ATP13A2: variants seen among roughly 807,000 people sequenced by gnomAD.
ATP13A2 encodes the protein polyamine-transporting ATPase 13A2.
A neutral mutation model predicts 138.3 loss-of-function variants in ATP13A2; 83 were observed. The observed-to-expected ratio is 0.60, with a 90% CI of 0.50 to 0.72. ATP13A2 has a LOEUF of 0.72. ATP13A2 is among the 30% of genes least tolerant of loss of function. The probability of loss-of-function intolerance (pLI) is 0.00; values close to 1 mark genes in which losing one functional copy is unlikely to be tolerated. For synonymous variants in ATP13A2, 663 were observed against 699.0 expected (o/e 0.95, Z 0.81); for missense variants, 1,402 against 1,606.4 (o/e 0.87, Z 2.17).
In ATP13A2 at chr1:16,990,219, T is replaced by C. The variant is rs760861030; in HGVS notation, c.2320A>G (p.Ile774Val). The C allele has an allele frequency of 1.2e-6, 2 of 1,613,866 alleles. No individual in the cohort carries two copies. The highest frequency in any genetic ancestry group is 2.2e-5 in the South Asian group (2 of 91,080). ...CGMVAPQEHL[I>V]IVHATHPERG... ...TCAGGGTGGGTGGCGTGGACGATGA[T>C]CAGATGCTCCTGGGGGGCCACCATG... Residue 774 changes from isoleucine to valine, a missense_variant, in exon 21 of 29, where the codon ATC becomes GTC. Ile to Val is a conservative substitution (Grantham distance 29). Coordinates refer to ENST00000326735, the MANE Select transcript of ATP13A2 (RefSeq NM_022089.4).
At position 16,986,477 on chromosome 1, in the gene ATP13A2, C is replaced by T. The variant is rs755468538; in HGVS notation, c.3391G>A (p.Ala1131Thr). The T allele has an allele frequency of 6.2e-7, 1 of 1,612,242 alleles. No homozygotes were observed. Among genetic ancestry groups the T allele is most frequent in the African/African-American group, 1.3e-5 (1 of 75,014 alleles). Residue 1131 changes from alanine (A) to threonine (T), a missense_variant, in exon 28 of 29, where the codon GCC (alanine) becomes ACC (threonine). By Grantham distance (58) the Ala-to-Thr change is moderately conservative. Transcript: ENST00000326735. The surrounding 1 kb of genome is among the most constrained non-coding windows in gnomAD (Gnocchi z 6.9). ...GCGGGCCCCACCTCCAGCATGAAGG[C>T]CCCCACGAAGTTGAGGGTGACCAGA... is the stretch of plus-strand genomic sequence containing the variant. The part of the protein sequence containing the change: ...LGLVTLNFVG[A>T]FMLESVLDQC...
rs1305686148 is a variant in ATP13A2 at position 16,992,601 on chromosome 1, G to C, written c.1750-20C>G. On this transcript the variant is annotated intron_variant, in intron 16 of 28. Coordinates refer to ENST00000326735, the MANE Select transcript of ATP13A2 (RefSeq NM_022089.4). Reference sequence around the variant, plus strand: ...CAGGACCTGGCAGGCAGGCAGGGAAGTTTGGTGTCTGGGGGCTTTGGCTCA... The same window carrying C: ...CAGGACCTGGCAGGCAGGCAGGGAACTTTGGTGTCTGGGGGCTTTGGCTCA... 1.9e-6 allele frequency: 3 copies of C among 1,613,810 alleles called. No homozygotes were observed. Among genetic ancestry groups the C allele is most frequent in the Non-Finnish European group, 1.7e-6 (2 of 1,179,636 alleles).
In ATP13A2 at chr1:16,996,703, A is replaced by T. The variant is rs2076602; in HGVS notation, c.1196-207T>A. ...AACAAGGAACTAGTGGATAGCATCTAAACACTGGGTGGTTCCACTGAAAAT... is the reference window on the plus strand; with the variant it reads ...AACAAGGAACTAGTGGATAGCATCTTAACACTGGGTGGTTCCACTGAAAAT... On this transcript the variant is annotated intron_variant, in intron 12 of 28. Coordinates refer to ENST00000326735, the MANE Select transcript of ATP13A2 (RefSeq NM_022089.4). The T allele has an allele frequency of 0.22, 139,592 of 621,090 alleles. 18,378 individuals are homozygous for T. Among genetic ancestry groups the T allele is most frequent in the East Asian group, 0.54 (19,650 of 36,544 alleles). 38.5% of individuals were successfully genotyped at this position (621,090 alleles called of 1,614,324 possible).
rs1421968260 is a variant in ATP13A2 at position 16,996,511 on chromosome 1, G to A, written c.1196-15C>T. The A allele has an allele frequency of 6.2e-7, 1 of 1,610,324 alleles. No homozygotes were observed. The highest frequency in any genetic ancestry group is 8.5e-7 in the Non-Finnish European group (1 of 1,177,008). On this transcript the variant is annotated splice_polypyrimidine_tract_variant and intron_variant, in intron 12 of 28. Coordinates refer to ENST00000326735, the MANE Select transcript of ATP13A2 (RefSeq NM_022089.4). ...CGTGCAGAACCCTGGGGAGGAGGCG[G>A]GGACCCCAAGGCAGGGAAGCCAGGG...
chr1:17,009,864 G>A (rs767183767), intron 1 of ATP13A2, among the ~76,000 whole-genome samples: 2 of 152,124 alleles, frequency 1.3e-5, no homozygotes, highest in Admixed American at 6.5e-5. Flanking sequence ...TGGAACTTGA[G>A]GGAGGAAGTC....
chr1:16,990,901 G>A (rs1436258077), intron 20 of ATP13A2, among the ~76,000 whole-genome samples: 2 of 152,036 alleles, frequency 1.3e-5, no homozygotes, highest in African/African-American at 2.4e-5. Context: ...GTGCAGGGGC[G>A]GGGAGGACAA....
Position 16,985,971 on chromosome 1 carries a change from C to A in ATP13A2, c.*250G>T. 6.9e-7 allele frequency: 1 copy of A among 1,442,864 alleles called. No individual in the cohort carries two copies. The highest frequency in any genetic ancestry group is 9.1e-7 in the Non-Finnish European group (1 of 1,096,498). The allele number at this position is 1,442,864 out of a possible 1,614,324, so 89.4% of individuals were successfully genotyped here. ...AGGCACAGCAGAGCCAGGAAAATATCATGACTTTATTTGCTACACTGACAG... is the reference window on the plus strand; with the variant it reads ...AGGCACAGCAGAGCCAGGAAAATATAATGACTTTATTTGCTACACTGACAG... On this transcript the variant is annotated 3_prime_UTR_variant, in exon 29 of 29. Transcript: ENST00000326735.
In ATP13A2 at chr1:16,992,333, C is replaced by A. The variant is rs1039547754; in HGVS notation, c.1915G>T (p.Val639Leu). 1 of 1,612,972 alleles carries A rather than the reference C, an allele frequency of 6.2e-7. No homozygotes were observed. Among genetic ancestry groups the A allele is most frequent in the South Asian group, 1.1e-5 (1 of 91,062 alleles). ...PFSSALQRMSVVVAWPGATQP... is the reference protein window; with the variant it reads ...PFSSALQRMSLVVAWPGATQP... ...GTGGCCCCTGGCCACGCCACCACCA[C>A]ACTCATGCGCTGCAGAGCCGAAGAG... The change falls in exon 18 of 29, where the codon GTG becomes TTG. Residue 639 changes from valine to leucine, a missense_variant. By Grantham distance (32) the Val-to-Leu change is conservative. Coordinates refer to ENST00000326735, the MANE Select transcript of ATP13A2 (RefSeq NM_022089.4).
intron 8 of ATP13A2, chr1:17,000,966 T>C (rs754955847): frequency 1.7e-4 from 33 of 190,020 alleles, no homozygotes; most frequent in Non-Finnish European, 3.2e-4. Flanking sequence ...AATAAATAAA[T>C]AGGATAAGGG....
At position 17,011,821 on chromosome 1, in the gene ATP13A2, C is replaced by CGCGGTCCGG; in HGVS notation, c.-92_-84dup. On this transcript the variant is annotated 5_prime_UTR_variant, in exon 1 of 29. Coordinates refer to ENST00000326735, the MANE Select transcript of ATP13A2 (RefSeq NM_022089.4). This position sits in a 1 kb window ranked among gnomAD's most constrained non-coding sequence, Gnocchi z 7.3. The stretch of plus-strand genomic sequence containing the variant: ...GCGTGCGCAAGGCCCTGGGCGGGGG[C>CGCGGTCCGG]GCGGTCCGGACGGCCCGGGGCGAGG... 8.9e-7 allele frequency: 1 copy of CGCGGTCCGG among 1,129,338 alleles called. No homozygotes were observed. 70.0% of individuals were successfully genotyped at this position (1,129,338 alleles called of 1,614,324 possible). A position where few individuals can be genotyped will look rare whatever the true frequency, so the allele number is the denominator to read the frequency against.
rs1262804804 is a variant in ATP13A2, at chr1:16,992,103, G to A, written c.2032C>T (p.Gln678Ter). 1 of 1,613,524 alleles carries A rather than the reference G, an allele frequency of 6.2e-7. No homozygotes were observed. The highest frequency in any genetic ancestry group is 1.3e-5 in the African/African-American group (1 of 75,074). The change falls in exon 19 of 29, where the codon CAG (glutamine) becomes TAG (stop). Residue 678 changes from glutamine (Q) to a stop codon, truncating the protein, a stop_gained. Coordinates refer to ENST00000326735, the MANE Select transcript of ATP13A2 (RefSeq NM_022089.4). LOFTEE classifies it high-confidence loss of function. Reference sequence around the variant, plus strand: ...CGGTAGCCAGCAGCTGTATAGCTCTGCAGCATCTGGGCGAAGTCGGTGGGC... The same window carrying A: ...CGGTAGCCAGCAGCTGTATAGCTCTACAGCATCTGGGCGAAGTCGGTGGGC... The part of the protein sequence containing the change: ...TVPTDFAQML[Q>*]SYTAAGYRVV...
In ATP13A2 at chr1:17,011,627, C is replaced by T; in HGVS notation, c.10+102G>A. The T allele has an allele frequency of 2.2e-6, 3 of 1,364,830 alleles. No homozygotes were observed. The highest frequency in any genetic ancestry group is 2.9e-6 in the Non-Finnish European group (3 of 1,052,146). The allele number at this position is 1,364,830 out of a possible 1,614,324, so 84.5% of individuals were successfully genotyped here. ...GTCCCGCTTCCTGGGCTCGCGACCC[C>T]GCGGTGGGGGGCGTCGCCTCCCCTC... On this transcript the variant is annotated intron_variant, in intron 1 of 28. Transcript: ENST00000326735. This position sits in a 1 kb window ranked among gnomAD's most constrained non-coding sequence, Gnocchi z 7.3.
Position 17,004,276 on chromosome 1 carries a change from C to T in ATP13A2, c.557+56G>A, listed in dbSNP as rs1394659684. ...AGGCCATGCCATGCCACCGTCTGTG[C>T]CCAAACCAGTGCCACTCTGGGAGGT... On this transcript the variant is annotated intron_variant, in intron 6 of 28. Transcript: ENST00000326735. This position sits in a 1 kb window ranked among gnomAD's most constrained non-coding sequence, Gnocchi z 4.1. The T allele has an allele frequency of 3.2e-6, 5 of 1,570,138 alleles. No homozygotes were observed. The highest frequency in any genetic ancestry group is 4.4e-6 in the Non-Finnish European group (5 of 1,148,532).
At position 16,992,470 on chromosome 1, in the gene ATP13A2, G is replaced by GC. The variant is rs764339719; in HGVS notation, c.1845+15dup. The GC allele has an allele frequency of 1.2e-6, 2 of 1,613,896 alleles. No homozygotes were observed. The highest frequency in any genetic ancestry group is 2.2e-5 in the East Asian group (1 of 44,880). On this transcript the variant is annotated intron_variant, in intron 17 of 28. Transcript: ENST00000326735. ...CACCCCTCTGCCCTGCACCCAACAG[G>GC]CCCCCCTCAGCTCACCATTGCCTGC...
chr1:16,999,237 G>A (rs538707509), intron 11 of ATP13A2, among the ~76,000 whole-genome samples: 1 of 152,014 alleles, frequency 6.6e-6, no homozygotes, highest in East Asian at 1.9e-4. Context: ...AAAATTAGCC[G>A]GGTATGGTGG....
rs543531903 is a variant in ATP13A2, at chr1:16,992,348, G to A, written c.1900C>T (p.Leu634=). 2 of 1,613,222 alleles carry A rather than the reference G, an allele frequency of 1.2e-6. No individual in the cohort carries two copies. The highest frequency in any genetic ancestry group is 2.2e-5 in the South Asian group (2 of 91,072). The change falls in exon 18 of 29, where the codon CTG becomes TTG. Residue 634 remains leucine (L), a synonymous_variant. Coordinates refer to ENST00000326735, the MANE Select transcript of ATP13A2 (RefSeq NM_022089.4). ...VLHRFPFSSA[L]QRMSVVVAWP... is the part of the protein sequence containing the mutation. ...GCCACCACCACACTCATGCGCTGCA[G>A]AGCCGAAGAGAAGGGGAAGCGGTGG... is the stretch of plus-strand genomic sequence containing the variant.
At chr1:16,990,369 G>T in intron 20 of ATP13A2, 82 bp from the exon 21 acceptor site, 2 of 1,563,028 alleles carry the variant, frequency 1.3e-6, no homozygotes, top group South Asian at 2.2e-5. Flanking sequence ...TGGGAAAACA[G>T]GCTGGATGAA....
At chr1:16,989,597 G>T (rs2076851701) in intron 23 of ATP13A2, 94 bp downstream of exon 23, 1 of 1,275,314 alleles carries the variant, frequency 7.8e-7, no homozygotes, top group Non-Finnish European at 1.1e-6. Flanking sequence ...TGCCTGAGGA[G>T]GGAGACAGGG....
rs201661480 is a variant in ATP13A2, at chr1:16,997,045, G to A, written c.1170C>T (p.His390=). 4.8e-5 allele frequency: 77 copies of A among 1,612,860 alleles called. No homozygotes were observed. In the Middle Eastern group the frequency reaches 9.4e-4, roughly 20 times the overall value. ...ILQARAYVGP[H]VLAVVTRTGF... is the part of the protein sequence containing the mutation. ...CTGTGCGGGTCACCACTGCCAGGAC[G>A]TGCGGTCCCACATAGGCCCGGGCCT... is the stretch of plus-strand genomic sequence containing the variant. Residue 390 remains histidine, a synonymous_variant, in exon 12 of 29, where the codon CAC becomes CAT. Transcript: ENST00000326735.
Sources: gnomAD v4.1 joint callset for allele counts (sites outside exome capture counted in the v4.1 genomes callset) on GRCh38, gnomAD v4.1.1 for gene constraint, Gnocchi (gnomAD v3.1) non-coding constraint, MANE v1.5 for transcripts, NCBI Gene and HGNC (gene_info 2026-07-23, HGNC 2026-07-21) for gene names.